Variants in NDST4 observed in about 807,000 individuals in gnomAD.
The protein encoded by NDST4 is N-heparan sulfate sulfotransferase 4.
NDST4 carries 63 observed loss-of-function variants against 100.8 expected under a neutral mutation model. The observed-to-expected ratio is 0.62, with a 90% CI of 0.51 to 0.77. The LOEUF (loss-of-function observed/expected upper bound fraction) is 0.77. Among genes scored for constraint, NDST4 ranks in the 30% least tolerant of loss-of-function variants. The pLI is 0.00. For synonymous variants in NDST4, 377 were observed against 361.8 expected (o/e 1.04, Z -0.48); for missense variants, 943 against 1,018.4 (o/e 0.93, Z 1.01).
chr4:114,842,916 A>G (rs1723460555), intron 10 of NDST4: 2 of 153,802 alleles, frequency 1.3e-5, no homozygotes, highest in South Asian at 2.0e-4. Flanking sequence ...TTTACCACCA[A>G]TAAAAATCAG....
At chr4:114,968,705 G>T (rs1025535261) in intron 4 of NDST4, among the ~76,000 whole-genome samples, 1 of 152,088 alleles carries the variant, frequency 6.6e-6, no homozygotes, top group Non-Finnish European at 1.5e-5. Flanking sequence ...AAATATCACT[G>T]TTCCTTTGAT....
chr4:115,100,906 A>T (rs1729717443), intron 1 of NDST4, among the ~76,000 whole-genome samples: 2 of 151,774 alleles, frequency 1.3e-5, no homozygotes. Flanking sequence ...CTTATCTTTA[A>T]GGGGAAGTAA....
chr4:114,888,554 A>C (rs1724527595), intron 6 of NDST4, among the ~76,000 whole-genome samples: 1 of 152,236 alleles, frequency 6.6e-6, no homozygotes, highest in Admixed American at 6.5e-5. Flanking sequence ...AAGAAGTTAA[A>C]ACTCAGAGAA....
intron 6 of NDST4, among the ~76,000 whole-genome samples, chr4:114,883,682 T>C (rs1342091777): frequency 6.6e-6 from 1 of 152,090 alleles, no homozygotes; most frequent in Non-Finnish European, 1.5e-5. Flanking sequence ...TCTATAACAG[T>C]GGTCCCCAAC....
At chr4:114,834,373 T>G (rs1723266192) in intron 11 of NDST4, among the ~76,000 whole-genome samples, 1 of 151,540 alleles carries the variant, frequency 6.6e-6, no homozygotes, top group Non-Finnish European at 1.5e-5. Context: ...AATTAGCCAG[T>G]CATGGTGGCA....
chr4:114,879,386 T>A (rs1724319626), intron 6 of NDST4, among the ~76,000 whole-genome samples: 1 of 152,130 alleles, frequency 6.6e-6, no homozygotes, highest in African/African-American at 2.4e-5. Flanking sequence ...GTTCAATTAG[T>A]AGATTTGAGA....
intron 2 of NDST4, among the ~76,000 whole-genome samples, chr4:115,071,279 C>CAT (rs1729072506): frequency 2.6e-4 from 2 of 7,598 alleles, no homozygotes. Context: ...TATGCCTTCA[C>CAT]ACACACACAC....
At chr4:114,925,605 T>C (rs977922930) in intron 6 of NDST4, among the ~76,000 whole-genome samples, 5 of 152,168 alleles carry the variant, frequency 3.3e-5, no homozygotes, top group African/African-American at 7.2e-5. Flanking sequence ...AAGTTTATCA[T>C]TGCAGTTCCA....
chr4:114,869,881 C>G (rs1204883262), intron 7 of NDST4, among the ~76,000 whole-genome samples: 1 of 152,080 alleles, frequency 6.6e-6, no homozygotes, highest in Non-Finnish European at 1.5e-5. Context: ...ACAATGTAGA[C>G]AGAGTGGCAT....
intron 2 of NDST4, among the ~76,000 whole-genome samples, chr4:115,012,333 C>T (rs1004838731): frequency 2.0e-5 from 3 of 151,918 alleles, no homozygotes; most frequent in African/African-American, 7.2e-5. Flanking sequence ...GCTGGGTTAT[C>T]TGATGGGAAA....
intron 8 of NDST4, 52 bp from the exon 9 acceptor site, chr4:114,848,390 T>TGCTAAAATAA: frequency 7.4e-7 from 1 of 1,350,954 alleles, no homozygotes; most frequent in Non-Finnish European, 1.0e-6. Context: ...AGACAAAATA[T>TGCTAAAATAA]TATTTTAGCA....
intron 4 of NDST4, among the ~76,000 whole-genome samples, chr4:114,961,594 A>C (rs1578415646): frequency 6.6e-6 from 1 of 151,586 alleles, no homozygotes; most frequent in South Asian, 2.1e-4. Flanking sequence ...ACTTAGATAA[A>C]ATTAGTAAAT....
intron 6 of NDST4, among the ~76,000 whole-genome samples, chr4:114,871,643 A>G (rs764055238): frequency 2.6e-5 from 4 of 152,064 alleles, no homozygotes; most frequent in Non-Finnish European, 4.4e-5. Flanking sequence ...TTCATTAGGC[A>G]TTGCAGCAGG....
intron 2 of NDST4, among the ~76,000 whole-genome samples, chr4:115,055,795 T>C (rs904875997): frequency 2.0e-5 from 3 of 152,100 alleles, no homozygotes; most frequent in Non-Finnish European, 2.9e-5. Flanking sequence ...CAGCAAGATA[T>C]ACAAATGAGC....
At chr4:115,013,517 G>T (rs1305979487) in intron 2 of NDST4, among the ~76,000 whole-genome samples, 1 of 151,562 alleles carries the variant, frequency 6.6e-6, no homozygotes, top group Admixed American at 6.6e-5. Flanking sequence ...GAAATAATCA[G>T]ATGTTTTAGG....
intron 8 of NDST4, among the ~76,000 whole-genome samples, chr4:114,851,309 C>T (rs371020283): frequency 5.3e-5 from 8 of 152,050 alleles, no homozygotes; most frequent in Admixed American, 1.3e-4. Context: ...TTACTACAAC[C>T]GTTTTTATAT....
At chr4:114,934,651 T>C (rs1156935496) in intron 6 of NDST4, among the ~76,000 whole-genome samples, 3 of 151,826 alleles carry the variant, frequency 2.0e-5, no homozygotes, top group African/African-American at 7.3e-5. Flanking sequence ...GGAAAGTTCG[T>C]GGAAAGGAAC....
At chr4:114,867,665 C>CAAAAAAAAAAAAAAAAAAAAAAGAAA in intron 7 of NDST4, among the ~76,000 whole-genome samples, 4 of 79,896 alleles carry the variant, frequency 5.0e-5, no homozygotes, top group Admixed American at 1.8e-4. Flanking sequence ...AAAAAAAAAG[C>CAAAAAAAAAAAAAAAAAAAAAAGAAA]AAAAAAAAAA....
chr4:115,024,380 G>GA (rs1316381949), intron 2 of NDST4, among the ~76,000 whole-genome samples: 3 of 152,156 alleles, frequency 2.0e-5, no homozygotes, highest in Admixed American at 2.0e-4. Flanking sequence ...GGGGCTGCCT[G>GA]AGGCCTTGGG....
Sources: gnomAD v4.1 joint callset for allele counts (sites outside exome capture counted in the v4.1 genomes callset) on GRCh38, gnomAD v4.1.1 for gene constraint, MANE v1.5 for transcripts, NCBI Gene and HGNC (gene_info 2026-07-23, HGNC 2026-07-21) for gene names.